EXOC4: variants seen among roughly 807,000 people sequenced by gnomAD.
EXOC4 encodes the protein exocyst complex component 4, also known as SEC8-like 1.
Under a neutral mutation model 107.2 loss-of-function variants are expected in EXOC4, and 71 were observed. The ratio of observed to expected loss-of-function variants is 0.66; its 90% confidence interval spans 0.55 to 0.81. EXOC4 has a LOEUF of 0.81. EXOC4 is among the 30% of genes least tolerant of loss of function. EXOC4 has a pLI of 0.00. For synonymous variants in EXOC4, 456 were observed against 441.2 expected, an observed-to-expected ratio of 1.03 and a Z score of -0.42; for missense variants, 1,108 against 1,189.6, an observed-to-expected ratio of 0.93 and a Z score of 1.01.
chr7:133,435,332 C>CT (rs1353210561), intron 7 of EXOC4, among the ~76,000 whole-genome samples: 5 of 151,972 alleles, frequency 3.3e-5, no homozygotes, highest in African/African-American at 9.7e-5. Flanking sequence ...TACCCTCTGT[C>CT]TTTTTTTTCC....
intron 17 of EXOC4, among the ~76,000 whole-genome samples, chr7:134,032,675 T>C (rs1262836081): frequency 6.6e-6 from 1 of 152,168 alleles, no homozygotes; most frequent in Non-Finnish European, 1.5e-5. Flanking sequence ...AAAAATTCTG[T>C]ACTTTTAGGG....
chr7:133,556,767 C>T (rs1368686318), intron 9 of EXOC4, among the ~76,000 whole-genome samples: 1 of 152,102 alleles, frequency 6.6e-6, no homozygotes, highest in East Asian at 1.9e-4. Flanking sequence ...TGATGGATGA[C>T]TTGCTGAAGG....
chr7:133,897,941 A>C (rs1356443022), intron 12 of EXOC4, among the ~76,000 whole-genome samples: 2 of 152,112 alleles, frequency 1.3e-5, no homozygotes, highest in Admixed American at 6.6e-5. Flanking sequence ...ATCAGTCTCA[A>C]AATGGCATTC....
chr7:133,902,919 AG>A (rs1563050966), intron 12 of EXOC4, among the ~76,000 whole-genome samples: 1 of 152,072 alleles, frequency 6.6e-6, no homozygotes, highest in Non-Finnish European at 1.5e-5. Flanking sequence ...AAAGAAATGG[AG>A]TAAAGTAGAT....
At chr7:133,487,793 A>G (rs544952764) in intron 9 of EXOC4, among the ~76,000 whole-genome samples, 2 of 152,342 alleles carry the variant, frequency 1.3e-5, no homozygotes, top group Non-Finnish European at 2.9e-5. Context: ...ATGATGCAAC[A>G]GGGAAATTTA....
intron 14 of EXOC4, among the ~76,000 whole-genome samples, chr7:133,954,549 A>C (rs1800770718): frequency 6.6e-6 from 1 of 152,248 alleles, no homozygotes; most frequent in Non-Finnish European, 1.5e-5. Context: ...TCTGGACACA[A>C]ATATTTTTCG....
intron 1 of EXOC4, among the ~76,000 whole-genome samples, chr7:133,266,943 G>A (rs1793744407): frequency 6.6e-6 from 1 of 152,128 alleles, no homozygotes; most frequent in African/African-American, 2.4e-5. Context: ...CCTTTTGCCT[G>A]GGCTGCTAGG....
chr7:133,937,400 A>G (rs1446373128), intron 13 of EXOC4, among the ~76,000 whole-genome samples: 3 of 152,164 alleles, frequency 2.0e-5, no homozygotes, highest in Admixed American at 1.3e-4. Flanking sequence ...CATCCATCTC[A>G]GTTGTAACCT....
chr7:133,999,030 G>C (rs1794465714), intron 15 of EXOC4, among the ~76,000 whole-genome samples: 1 of 152,090 alleles, frequency 6.6e-6, no homozygotes, highest in Non-Finnish European at 1.5e-5. Flanking sequence ...GAAACACTGA[G>C]GGAGGAGAAG....
intron 7 of EXOC4, among the ~76,000 whole-genome samples, chr7:133,474,000 G>A (rs908762165): frequency 3.3e-5 from 5 of 152,060 alleles, no homozygotes; most frequent in African/African-American, 9.7e-5. Flanking sequence ...GAGCCACTGC[G>A]CCTGGCCTGG....
intron 5 of EXOC4, among the ~76,000 whole-genome samples, chr7:133,329,347 C>T (rs1252052751): frequency 6.6e-6 from 1 of 152,080 alleles, no homozygotes; most frequent in Non-Finnish European, 1.5e-5. Context: ...TTTTAGCTTC[C>T]TTGTGATGGG....
At chr7:133,823,877 T>TATATATATATAA (rs1797616591) in intron 11 of EXOC4, among the ~76,000 whole-genome samples, 2 of 20,824 alleles carry the variant, frequency 9.6e-5, no homozygotes, top group Non-Finnish European at 1.4e-4. Context: ...ATATATTATA[T>TATATATATATAA]ATATATATAT....
chr7:133,882,134 G>A (rs1412194771), intron 11 of EXOC4, among the ~76,000 whole-genome samples: 1 of 152,102 alleles, frequency 6.6e-6, no homozygotes, highest in Non-Finnish European at 1.5e-5. Flanking sequence ...ACTTTCATTC[G>A]GCATTATGTC....
At chr7:134,079,814 T>C in the EXOC4 span, among the ~76,000 whole-genome samples, 3 of 152,184 alleles carry the variant, frequency 2.0e-5, no homozygotes, top group Non-Finnish European at 2.9e-5. Context: ...CAATGCAAAT[T>C]TGCAAGGCAG....
intron 9 of EXOC4, among the ~76,000 whole-genome samples, chr7:133,621,489 A>G (rs1802328585): frequency 6.6e-6 from 1 of 152,242 alleles, no homozygotes; most frequent in Non-Finnish European, 1.5e-5. Context: ...CCATTCTAGC[A>G]GTCTACTGAC....
chr7:133,677,371 C>G (rs978331020), intron 10 of EXOC4, among the ~76,000 whole-genome samples: 3 of 152,088 alleles, frequency 2.0e-5, no homozygotes, highest in African/African-American at 7.2e-5. Context: ...CATCTTTAGA[C>G]ACTTCCATCT....
intron 7 of EXOC4, among the ~76,000 whole-genome samples, chr7:133,387,892 G>T (rs1161077516): frequency 1.3e-5 from 2 of 152,054 alleles, no homozygotes; most frequent in East Asian, 3.9e-4. Context: ...GGCAAAGGGG[G>T]ACTTGGCATG....
intron 5 of EXOC4, among the ~76,000 whole-genome samples, chr7:133,319,838 C>CTTTTT (rs35274622): frequency 2.2e-3 from 208 of 94,546 alleles, no homozygotes; most frequent in African/African-American, 3.4e-3. Flanking sequence ...TGATCGTGTG[C>CTTTTT]TTTTTTTTTT....
chr7:133,826,031 A>T (rs1196774452), intron 11 of EXOC4, among the ~76,000 whole-genome samples: 2 of 152,124 alleles, frequency 1.3e-5, no homozygotes, highest in African/African-American at 2.4e-5. Context: ...TTATTTATTC[A>T]CTAACAGTAT....
Sources: gnomAD v4.1 joint callset for allele counts (sites outside exome capture counted in the v4.1 genomes callset) on GRCh38, gnomAD v4.1.1 for gene constraint, MANE v1.5 for transcripts, NCBI Gene and HGNC (gene_info 2026-07-23, HGNC 2026-07-21) for gene names.